FYTTD1: variants seen among roughly 807,000 people sequenced by gnomAD.
FYTTD1 encodes UAP56-interacting factor.
A neutral mutation model predicts 40.9 loss-of-function variants in FYTTD1; 22 were observed. The ratio of observed to expected loss-of-function variants is 0.54; its 90% CI spans 0.38 to 0.77. The LOEUF (loss-of-function observed/expected upper bound fraction) is 0.77, where lower values mean the gene tolerates loss of function less well. Ranked by LOEUF, FYTTD1 falls within the 30% of genes least tolerant of loss-of-function variation. The pLI is 0.00. For missense variants in FYTTD1, 351 were observed against 392.2 expected (o/e 0.90, Z 0.89); for synonymous variants, 140 against 137.9 (o/e 1.01, Z -0.10).
At chr3:197,775,352 C>G (rs1372748221) in intron 6 of FYTTD1, among the ~76,000 whole-genome samples, 1 of 152,182 alleles carries the variant, frequency 6.6e-6, no homozygotes, top group Non-Finnish European at 1.5e-5. Context: ...ATTATGACTA[C>G]TTTTTGGAAA....
intron 3 of FYTTD1, among the ~76,000 whole-genome samples, chr3:197,768,936 G>A (rs543010374): frequency 7.9e-4 from 120 of 151,882 alleles, no homozygotes; most frequent in African/African-American, 2.9e-3. Context: ...GGGATTACAG[G>A]TGTGTGCCAC....
intron 2 of FYTTD1, among the ~76,000 whole-genome samples, chr3:197,761,130 G>A (rs1236518624): frequency 1.3e-5 from 2 of 151,982 alleles, no homozygotes; most frequent in Non-Finnish European, 2.9e-5. Flanking sequence ...TTCTTCAGTG[G>A]TAGAATGTAT....
chr3:197,753,426 TGTA>T (rs200665297), intron 1 of FYTTD1, among the ~76,000 whole-genome samples: 3,318 of 152,332 alleles, frequency 0.022, 47 homozygotes, highest in Non-Finnish European at 0.036. Context: ...GTGCCTGTGC[TGTA>T]GTACTTACCA....
At chr3:197,750,595 G>C (rs1728989752) in intron 1 of FYTTD1, 3 of 985,148 alleles carry the variant, frequency 3.0e-6, no homozygotes, top group Non-Finnish European at 3.6e-6. Context: ...GTTCCAGGCC[G>C]GCGCCGGCCA....
chr3:197,750,022 G>T lies in FYTTD1; in HGVS notation c.51G>T (p.Pro17=), dbSNP rs773932677. The change falls in exon 1 of 9, where the codon CCG becomes CCT. Residue 17 remains proline (P), a synonymous_variant. Coordinates refer to ENST00000241502, the MANE Select transcript of FYTTD1 (RefSeq NM_032288.7). The part of the protein sequence containing the change: ...RLVGATATSS[P]PPKARSNENL... ...TGGGAGCCACGGCGACTTCTTCGCC[G>T]CCGCCGAAGGCCCGCAGCAATGAAA... is the stretch of plus-strand genomic sequence containing the variant. The T allele has an allele frequency of 3.2e-6, 5 of 1,582,876 alleles. No individual in the cohort carries two copies. The highest frequency in any genetic ancestry group is 2.6e-6 in the Non-Finnish European group (3 of 1,166,154).
chr3:197,754,651 G>GTT (rs1171766691), intron 1 of FYTTD1, among the ~76,000 whole-genome samples: 2 of 142,286 alleles, frequency 1.4e-5, no homozygotes, highest in East Asian at 2.0e-4. Flanking sequence ...ATGTTTGTGG[G>GTT]TTTTTTTTTT....
At chr3:197,771,797 A>AT (rs71225234) in intron 4 of FYTTD1, among the ~76,000 whole-genome samples, 1 of 147,452 alleles carries the variant, frequency 6.8e-6, no homozygotes, top group Non-Finnish European at 1.5e-5. Flanking sequence ...AAAAAAAAAA[A>AT]TGCAAAAATT....
intron 1 of FYTTD1, chr3:197,755,866 T>G (rs752907965): frequency 1.3e-6 from 2 of 1,548,034 alleles, no homozygotes; most frequent in South Asian, 1.2e-5. Context: ...TCTGTGTTTT[T>G]GGGAAGTAAG....
intron 6 of FYTTD1, 68 bp downstream of exon 6, chr3:197,774,278 A>T: frequency 7.2e-6 from 9 of 1,253,888 alleles, no homozygotes; most frequent in Non-Finnish European, 9.4e-6. Flanking sequence ...CCAAATTATC[A>T]TGTACCTCAG....
intron 1 of FYTTD1, among the ~76,000 whole-genome samples, chr3:197,751,718 G>T (rs1729062225): frequency 6.6e-6 from 1 of 151,266 alleles, no homozygotes; most frequent in African/African-American, 2.4e-5. Context: ...TTTATTGAGT[G>T]CTTACTACCT....
chr3:197,766,430 G>GGTTGTGTGTGTGTGTGTGTGT (rs1553909118), intron 2 of FYTTD1, among the ~76,000 whole-genome samples: 12 of 134,996 alleles, frequency 8.9e-5, no homozygotes, highest in Non-Finnish European at 1.9e-4. Flanking sequence ...GTTTGAGACT[G>GGTTGTGTGTGTGTGTGTGTGT]GTGTGTGTGT....
In FYTTD1 at chr3:197,782,856, A is replaced by G. The variant is rs1300728853; in HGVS notation, c.*947A>G. 1.3e-5 allele frequency: 2 copies of G among 152,600 alleles called. No individual in the cohort carries two copies. The highest frequency in any genetic ancestry group is 4.8e-5 in the African/African-American group (2 of 41,460). 9.5% of individuals were successfully genotyped at this position (152,600 alleles called of 1,614,324 possible). ...TTTTGATAGTAAAATTAATAGCCATAAAGTCCTAGACTTCTTATTTGAAGT... is the reference window on the plus strand; with the variant it reads ...TTTTGATAGTAAAATTAATAGCCATGAAGTCCTAGACTTCTTATTTGAAGT... On this transcript the variant is annotated 3_prime_UTR_variant, in exon 9 of 9. Transcript: ENST00000241502.
intron 2 of FYTTD1, among the ~76,000 whole-genome samples, chr3:197,758,380 T>G (rs937856795): frequency 2.0e-5 from 3 of 152,224 alleles, no homozygotes; most frequent in Non-Finnish European, 2.9e-5. Flanking sequence ...ATAGATACCC[T>G]AAACTGATTG....
At chr3:197,775,474 G>T (rs116605888) in intron 6 of FYTTD1, among the ~76,000 whole-genome samples, 2,546 of 151,784 alleles carry the variant, frequency 0.017, 40 homozygotes, top group Middle Eastern at 0.061. Flanking sequence ...CTCCATATCC[G>T]CGGATTGTCT....
At position 197,773,467 on chromosome 3, in the gene FYTTD1, C is replaced by T; in HGVS notation, c.562C>T (p.Gln188Ter). The T allele has an allele frequency of 1.3e-6, 2 of 1,599,738 alleles. No individual in the cohort carries two copies. Among genetic ancestry groups the T allele is most frequent in the Non-Finnish European group, 1.7e-6 (2 of 1,170,172 alleles). ...ATTAAATCATCAGAAAGATACTCGT[C>T]AGGCAACTTTTCTTTTCAGAAGAGG... Reference protein sequence around the residue: ...NKLNHQKDTRQATFLFRRGLK... With the variant: ...NKLNHQKDTR Residue 188 changes from glutamine (Q) to a stop codon, truncating the protein, a stop_gained, in exon 5 of 9, where the codon CAG (glutamine) becomes TAG (stop). Transcript: ENST00000241502. LOFTEE classifies it high-confidence loss of function.
Position 197,781,900 on chromosome 3 carries a change from C to A in FYTTD1, c.948C>A (p.Thr316=). Residue 316 remains threonine, a synonymous_variant, in exon 9 of 9, where the codon ACC becomes ACA. Coordinates refer to ENST00000241502, the MANE Select transcript of FYTTD1 (RefSeq NM_032288.7). ...TYNKGGSRFV[T]VG ...ACAAAGGGGGAAGCCGCTTTGTCAC[C>A]GTGGGATAGGTCCCATGTCAAAGGA... 4 of 1,601,064 alleles carry A rather than the reference C, an allele frequency of 2.5e-6. No individual in the cohort carries two copies. The highest frequency in any genetic ancestry group is 3.4e-6 in the Non-Finnish European group (4 of 1,171,548).
Position 197,784,531 on chromosome 3 carries a change from C to T in FYTTD1, c.*2622C>T, listed in dbSNP as rs1403699993. On this transcript the variant is annotated 3_prime_UTR_variant, in exon 9 of 9. Transcript: ENST00000241502. ...AGAATCCAGGCTGGGCACGGTGGCTCATGCCTGTAATCCCAGAACTTGGGG... is the reference window on the plus strand; with the variant it reads ...AGAATCCAGGCTGGGCACGGTGGCTTATGCCTGTAATCCCAGAACTTGGGG... 2.6e-5 allele frequency: 4 copies of T among 152,220 alleles called. No individual in the cohort carries two copies. The highest frequency in any genetic ancestry group is 9.6e-5 in the African/African-American group (4 of 41,452). 9.4% of individuals were successfully genotyped at this position (152,220 alleles called of 1,614,324 possible). A position where few individuals can be genotyped will look rare whatever the true frequency, so the allele number is the denominator to read the frequency against.
intron 2 of FYTTD1, among the ~76,000 whole-genome samples, chr3:197,758,050 T>C (rs1050972515): frequency 2.0e-5 from 3 of 152,170 alleles, no homozygotes; most frequent in Admixed American, 1.3e-4. Context: ...ATTACAGGCA[T>C]GCGCCACCAT....
intron 1 of FYTTD1, among the ~76,000 whole-genome samples, chr3:197,752,283 C>A (rs1729082046): frequency 6.6e-6 from 1 of 152,236 alleles, no homozygotes; most frequent in East Asian, 1.9e-4. Context: ...GCCTCTGCCA[C>A]TTTGTAACCA....
Sources: allele counts gnomAD v4.1 joint callset (sites outside exome capture counted in the v4.1 genomes callset), GRCh38; gene constraint gnomAD v4.1.1; transcripts MANE v1.5; gene names NCBI Gene and HGNC (gene_info 2026-07-23, HGNC 2026-07-21).